PSD3: variants seen among roughly 807,000 people sequenced by gnomAD.
PSD3 encodes pleckstrin and Sec7 domain containing 3.
PSD3 carries 49 observed loss-of-function variants against 105.5 expected under a neutral mutation model. The observed-to-expected ratio is 0.46, with a 90% CI of 0.37 to 0.59. The LOEUF is 0.59. PSD3 is among the 20% of genes least tolerant of loss of function. PSD3 has a pLI of 0.00. For missense variants in PSD3, 1,561 were observed against 1,263.8 expected (o/e 1.24, Z -3.57); for synonymous variants, 557 against 457.8 (o/e 1.22, Z -2.77).
At position 18,872,730 on chromosome 8, in the gene PSD3, T is replaced by TC; in HGVS notation, c.133dup (p.Asp45GlyfsTer15). The TC allele has an allele frequency of 6.4e-7, 1 of 1,554,200 alleles. No individual in the cohort carries two copies. The highest frequency in any genetic ancestry group is 8.7e-7 in the Non-Finnish European group (1 of 1,153,284). On this transcript the variant is annotated frameshift_variant, in exon 3 of 16. Coordinates refer to ENST00000327040, the MANE Select transcript of PSD3 (RefSeq NM_015310.4). LOFTEE classifies it high-confidence loss of function. ...TGGGAGTAAAGTGCTTCCTCCATGATCACCTGTGAAGAGAACACAATGGAC... is the reference window on the plus strand; with the variant it reads ...TGGGAGTAAAGTGCTTCCTCCATGATCCACCTGTGAAGAGAACACAATGGAC...
At chr8:18,580,743 A>G (rs942190410) in intron 12 of PSD3, among the ~76,000 whole-genome samples, 2 of 152,200 alleles carry the variant, frequency 1.3e-5, no homozygotes, top group African/African-American at 4.8e-5. Flanking sequence ...TTCTAAAGAC[A>G]GGGTAAAGGT....
At chr8:18,671,772 T>C (rs887197570) in intron 9 of PSD3, among the ~76,000 whole-genome samples, 41 of 151,960 alleles carry the variant, frequency 2.7e-4, no homozygotes, top group African/African-American at 4.6e-4. Flanking sequence ...GCTGGGACTA[T>C]AGGTGCCCGC....
At chr8:18,776,509 G>A (rs1440516488) in intron 8 of PSD3, among the ~76,000 whole-genome samples, 14 of 151,570 alleles carry the variant, frequency 9.2e-5, no homozygotes, top group East Asian at 1.9e-4. Flanking sequence ...TCAGCTTCCC[G>A]AGTTGCTGGG....
chr8:18,784,550 G>A (rs1312975178), intron 8 of PSD3, among the ~76,000 whole-genome samples: 1 of 152,200 alleles, frequency 6.6e-6, no homozygotes. Context: ...ATTGGTAGCA[G>A]TGGGTTGTCA....
chr8:18,923,645 A>G (rs1003735139), intron 2 of PSD3, among the ~76,000 whole-genome samples: 1 of 152,228 alleles, frequency 6.6e-6, no homozygotes, highest in African/African-American at 2.4e-5. Context: ...GCTAAGCCAT[A>G]GAGCCTAGGT....
At chr8:18,565,199 T>C (rs577539932) in intron 14 of PSD3, among the ~76,000 whole-genome samples, 10 of 152,288 alleles carry the variant, frequency 6.6e-5, no homozygotes, top group East Asian at 3.9e-4. Flanking sequence ...AGTCCCGACA[T>C]AGCTGTTGTG....
intron 1 of PSD3, among the ~76,000 whole-genome samples, chr8:19,007,630 A>G (rs1040736492): frequency 6.6e-6 from 1 of 152,036 alleles, no homozygotes; most frequent in African/African-American, 2.4e-5. Context: ...TTTGACTCGC[A>G]CTAGTACGAT....
chr8:19,011,862 A>C (rs1417496328), intron 1 of PSD3, among the ~76,000 whole-genome samples: 2 of 152,224 alleles, frequency 1.3e-5, no homozygotes, highest in Non-Finnish European at 2.9e-5. Flanking sequence ...TCCCACATTC[A>C]ATGGTCAGGA....
intron 1 of PSD3, among the ~76,000 whole-genome samples, chr8:19,044,820 G>C (rs899118046): frequency 6.6e-6 from 1 of 152,176 alleles, no homozygotes; most frequent in Non-Finnish European, 1.5e-5. Flanking sequence ...GGAGAGACGG[G>C]AAAGATTGTA....
intron 11 of PSD3, among the ~76,000 whole-genome samples, chr8:18,623,266 T>G (rs1806247879): frequency 6.6e-6 from 1 of 151,884 alleles, no homozygotes; most frequent in Non-Finnish European, 1.5e-5. Flanking sequence ...AAAAACATCC[T>G]TATATGTTTC....
intron 1 of PSD3, among the ~76,000 whole-genome samples, chr8:18,977,519 G>A (rs1825009374): frequency 1.3e-5 from 2 of 152,126 alleles, no homozygotes; most frequent in Non-Finnish European, 2.9e-5. Context: ...CACATGGACT[G>A]AGAGATAATG....
intron 11 of PSD3, among the ~76,000 whole-genome samples, chr8:18,629,371 T>G (rs1295921837): frequency 6.6e-6 from 1 of 151,958 alleles, no homozygotes; most frequent in Non-Finnish European, 1.5e-5. Context: ...TGAAAAGAAA[T>G]GAAAACATAT....
At chr8:19,016,281 TCCTCCCCCA>T (rs1213601686), upstream of PSD3, among the ~76,000 whole-genome samples, 3 of 152,266 alleles carry the variant, frequency 2.0e-5, no homozygotes, top group African/African-American at 7.2e-5. Flanking sequence ...AATAACATAT[TCCTCCCCCA>T]CCTCTTCCCA....
At chr8:18,762,961 G>A in intron 9 of PSD3, 1 of 1,280,212 alleles carries the variant, frequency 7.8e-7, no homozygotes, top group Non-Finnish European at 1.0e-6. Flanking sequence ...ATATTTCTCA[G>A]TAGTCTGTGA....
intron 1 of PSD3, among the ~76,000 whole-genome samples, chr8:18,936,846 T>C (rs1193445979): frequency 2.0e-5 from 3 of 152,188 alleles, no homozygotes; most frequent in Non-Finnish European, 4.4e-5. Flanking sequence ...ACAAGAATAT[T>C]TCTTTGTGTG....
chr8:18,782,830 T>C (rs1002972814), intron 8 of PSD3, among the ~76,000 whole-genome samples: 5 of 152,164 alleles, frequency 3.3e-5, no homozygotes, highest in African/African-American at 1.2e-4. Flanking sequence ...TCACCGAGCA[T>C]CCAAGTGGCA....
chr8:18,556,184 T>G (rs753765926), intron 15 of PSD3, 25 bp downstream of exon 15: 27 of 1,610,532 alleles, frequency 1.7e-5, no homozygotes, highest in African/African-American at 5.4e-5. Flanking sequence ...AAATCAGCAT[T>G]TACTAACATT....
chr8:18,652,713 G>C (rs1808603700), intron 10 of PSD3, among the ~76,000 whole-genome samples: 1 of 151,916 alleles, frequency 6.6e-6, no homozygotes, highest in African/African-American at 2.4e-5. Flanking sequence ...GGCCAGGCTG[G>C]TCTCGAACTC....
chr8:18,926,733 C>CTCCACACA (rs1217576928), intron 2 of PSD3, among the ~76,000 whole-genome samples: 1 of 152,174 alleles, frequency 6.6e-6, no homozygotes, highest in Non-Finnish European at 1.5e-5. Flanking sequence ...TGGAGATTTT[C>CTCCACACA]TCCACACATG....
Sources: allele counts gnomAD v4.1 joint callset (sites outside exome capture counted in the v4.1 genomes callset), GRCh38; gene constraint gnomAD v4.1.1; transcripts MANE v1.5; gene names NCBI Gene and HGNC (gene_info 2026-07-23, HGNC 2026-07-21).